The following RNF216 variants were observed in gnomAD, a reference collection of about 807,000 sequenced individuals.
The protein encoded by RNF216 is ring finger protein 216, also known as E3 ubiquitin-protein ligase RNF216.
A neutral mutation model predicts 110.8 loss-of-function variants in RNF216; 72 were observed. That is an observed-to-expected ratio of 0.65 (90% CI 0.54 to 0.79). RNF216 has a LOEUF of 0.79. Among genes scored for constraint, RNF216 ranks in the 30% least tolerant of loss-of-function variants. The pLI, the probability that RNF216 is intolerant of heterozygous loss-of-function variation, is 0.00. For synonymous variants in RNF216, 495 were observed against 407.5 expected (o/e 1.21, Z -2.59); for missense variants, 1,342 against 1,141.2 (o/e 1.18, Z -2.54).
intron 13 of RNF216, among the ~76,000 whole-genome samples, chr7:5,686,920 G>A (rs1387256696): frequency 6.6e-6 from 1 of 152,206 alleles, no homozygotes; most frequent in Non-Finnish European, 1.5e-5. Context: ...TCTGACAGGA[G>A]GCAGAGCTCA....
At chr7:5,715,224 C>A (rs745898861) in intron 10 of RNF216, 34 bp from the exon 11 acceptor site, 1 of 1,600,116 alleles carries the variant, frequency 6.2e-7, no homozygotes, top group Admixed American at 1.7e-5. Context: ...ATGAAATGTC[C>A]TGCACTTAAG....
At chr7:5,638,978 A>G (rs530692265) in intron 15 of RNF216, among the ~76,000 whole-genome samples, 2 of 152,080 alleles carry the variant, frequency 1.3e-5, no homozygotes, top group East Asian at 3.9e-4. Flanking sequence ...TCCTCTGTCC[A>G]TTTTTGAGTT....
At chr7:5,773,148 T>A (rs1401256706) in intron 1 of RNF216, among the ~76,000 whole-genome samples, 1 of 152,148 alleles carries the variant, frequency 6.6e-6, no homozygotes, top group Admixed American at 6.5e-5. Flanking sequence ...GAAATAATGA[T>A]ATTGATGTTA....
At chr7:5,711,711 C>A (rs1792702029) in intron 13 of RNF216, 50 bp downstream of exon 13, 2 of 1,476,894 alleles carry the variant, frequency 1.4e-6, no homozygotes, top group Admixed American at 1.8e-5. Context: ...TGAGGGCAGC[C>A]CATAATACCA....
chr7:5,659,692 A>C (rs1375939303), intron 13 of RNF216, among the ~76,000 whole-genome samples: 1 of 152,188 alleles, frequency 6.6e-6, no homozygotes, highest in Non-Finnish European at 1.5e-5. Flanking sequence ...AATAACTTCT[A>C]GGGGAACAGG....
Position 5,729,606 on chromosome 7 carries a change from G to A in RNF216, c.1225-10C>T, listed in dbSNP as rs752595985. On this transcript the variant is annotated splice_polypyrimidine_tract_variant and intron_variant, in intron 6 of 16. Coordinates refer to ENST00000389902, the MANE Select transcript of RNF216 (RefSeq NM_207111.4). ...AGTCTATTTTAGGCAACTGAAATGA[G>A]AGAGAAGCATAAAATCAGAGGCCAG... is the stretch of plus-strand genomic sequence containing the variant. 1 of 1,611,574 alleles carries A rather than the reference G, an allele frequency of 6.2e-7. No homozygotes were observed. Among genetic ancestry groups the A allele is most frequent in the Non-Finnish European group, 8.5e-7 (1 of 1,177,840 alleles).
intron 5 of RNF216, among the ~76,000 whole-genome samples, chr7:5,734,380 G>A (rs1433380171): frequency 2.0e-5 from 3 of 152,260 alleles, no homozygotes; most frequent in East Asian, 3.9e-4. Flanking sequence ...TCTTTATGTA[G>A]TGTTCAAAAA....
At chr7:5,733,760 C>T (rs1794227918) in intron 5 of RNF216, among the ~76,000 whole-genome samples, 1 of 151,704 alleles carries the variant, frequency 6.6e-6, no homozygotes, top group African/African-American at 2.4e-5. Flanking sequence ...AAAAACACAG[C>T]CAATTAGCAA....
intron 13 of RNF216, among the ~76,000 whole-genome samples, chr7:5,709,503 C>T (rs1319869393): frequency 1.3e-5 from 2 of 152,214 alleles, no homozygotes; most frequent in Admixed American, 6.5e-5. Flanking sequence ...CTTGACACTA[C>T]CCCACACCAC....
chr7:5,658,642 G>A (rs746160531), intron 13 of RNF216, among the ~76,000 whole-genome samples: 28 of 136,814 alleles, frequency 2.0e-4, no homozygotes, highest in Non-Finnish European at 3.7e-4. Context: ...GGGTGACAGA[G>A]AGAGACTGTC....
At chr7:5,646,784 C>T (rs1788076113) in intron 14 of RNF216, among the ~76,000 whole-genome samples, 1 of 151,480 alleles carries the variant, frequency 6.6e-6, no homozygotes, top group African/African-American at 2.4e-5. Flanking sequence ...GTGGTCAATG[C>T]CAGGAAAAAA....
chr7:5,683,439 T>A (rs987863980), intron 13 of RNF216, among the ~76,000 whole-genome samples: 3 of 152,206 alleles, frequency 2.0e-5, no homozygotes, highest in African/African-American at 7.2e-5. Context: ...TAAGTGGTGC[T>A]GCCAGACTGC....
At chr7:5,776,509 G>A (rs148200844) in intron 1 of RNF216, among the ~76,000 whole-genome samples, 6,894 of 150,718 alleles carry the variant, frequency 0.046, 226 homozygotes, top group Non-Finnish European at 0.056. Flanking sequence ...GCAGGAGAAT[G>A]GCGAGAACCC....
At chr7:5,777,791 CTG>C (rs1397757603) in intron 1 of RNF216, among the ~76,000 whole-genome samples, 2 of 152,168 alleles carry the variant, frequency 1.3e-5, no homozygotes, top group African/African-American at 2.4e-5. Flanking sequence ...ATCCTATTAT[CTG>C]TGTATTTTTA....
chr7:5,711,740 G>GA, intron 13 of RNF216, 21 bp downstream of exon 13: 1 of 1,602,296 alleles, frequency 6.2e-7, no homozygotes. Flanking sequence ...TATACATCTA[G>GA]AAAAAAATGT....
chr7:5,767,069 C>A (rs1175862483), intron 1 of RNF216: 1 of 152,176 alleles, frequency 6.6e-6, no homozygotes, highest in African/African-American at 2.4e-5. Flanking sequence ...TGTTTATTAA[C>A]CTTATTTTAC....
intron 7 of RNF216, among the ~76,000 whole-genome samples, chr7:5,727,099 C>G (rs1793805796): frequency 6.6e-6 from 1 of 152,092 alleles, no homozygotes; most frequent in African/African-American, 2.4e-5. Context: ...GGCTGGGGTC[C>G]CAGTCTGGGC....
intron 13 of RNF216, among the ~76,000 whole-genome samples, chr7:5,685,437 G>C (rs547890724): frequency 6.6e-6 from 1 of 152,206 alleles, no homozygotes; most frequent in Non-Finnish European, 1.5e-5. Context: ...GGATTGTTGG[G>C]AGGGCAGGGC....
chr7:5,629,778 G>T (rs1022076237), intron 15 of RNF216, among the ~76,000 whole-genome samples: 9 of 130,300 alleles, frequency 6.9e-5, no homozygotes, highest in Non-Finnish European at 1.4e-4. Flanking sequence ...AGTTAGCCGA[G>T]ATGGTGCCAC....
Sources: allele counts gnomAD v4.1 joint callset (sites outside exome capture counted in the v4.1 genomes callset), GRCh38; gene constraint gnomAD v4.1.1; transcripts MANE v1.5; gene names NCBI Gene and HGNC (gene_info 2026-07-23, HGNC 2026-07-21).